The following EFL1 variants were observed in gnomAD, a reference collection of about 807,000 sequenced individuals.
The protein encoded by EFL1 is elongation factor like GTPase 1, also known as elongation factor-like GTPase 1.
Under a neutral mutation model 126.7 loss-of-function variants are expected in EFL1, and 76 were observed. The observed-to-expected ratio is 0.60, with a 90% confidence interval of 0.50 to 0.73. EFL1 has a LOEUF of 0.73. Among genes scored for constraint, EFL1 ranks in the 30% least tolerant of loss-of-function variants. EFL1 has a pLI of 0.00. For missense variants in EFL1, 1,128 were observed against 1,343.2 expected, an observed-to-expected ratio of 0.84 and a Z score of 2.50; for synonymous variants, 410 against 448.4, an observed-to-expected ratio of 0.91 and a Z score of 1.08.
Position 82,163,913 on chromosome 15 carries a change from T to TAC in EFL1, c.1821_1822insGT (p.Ile608ValfsTer12), listed in dbSNP as rs1379260503. 5.6e-6 allele frequency: 9 copies of TAC among 1,614,042 alleles called. No individual in the cohort carries two copies. In the African/African-American group the frequency reaches 1.1e-4, roughly 19 times the overall value. On this transcript the variant is annotated frameshift_variant, in exon 16 of 20. Coordinates refer to ENST00000268206, the MANE Select transcript of EFL1 (RefSeq NM_024580.6). LOFTEE classifies it high-confidence loss of function. The stretch of plus-strand genomic sequence containing the variant: ...GGAGTGGCTTCGAAGTTGAGTGGTA[T>TAC]AAATGGTGGGCAGGATGGCAGGCTA...
chr15:82,138,727 A>T lies in EFL1; in HGVS notation c.3105T>A (p.Gly1035=), dbSNP rs776859794. The T allele has an allele frequency of 2.5e-6, 4 of 1,613,896 alleles. No homozygotes were observed. The African/African-American group carries it at 4.0e-5, about 16-fold the overall frequency. ...TCCTCTTCCTGATTTCATCAGCAAA[A>T]CCAAAGCTTTCAGCAACAGGCAGCA... ...KAVLPVAESF[G]FADEIRKRTS... is the part of the protein sequence containing the mutation. Residue 1035 remains glycine (G), a synonymous_variant, in exon 19 of 20, where the codon GGT becomes GGA. Transcript: ENST00000268206.
intron 12 of EFL1, among the ~76,000 whole-genome samples, chr15:82,222,422 T>C (rs1168098151): frequency 3.3e-5 from 5 of 152,262 alleles, no homozygotes; most frequent in Admixed American, 3.3e-4. Flanking sequence ...TGTCATCTTA[T>C]GTAAATGTGA....
chr15:82,159,463 A>G (rs868284063), intron 16 of EFL1, among the ~76,000 whole-genome samples: 1 of 151,994 alleles, frequency 6.6e-6, no homozygotes, highest in South Asian at 2.1e-4. Context: ...CAGTTTAACA[A>G]TAAGAAAAGT....
chr15:82,225,856 A>G (rs975732567), intron 11 of EFL1, among the ~76,000 whole-genome samples: 1 of 152,252 alleles, frequency 6.6e-6, no homozygotes, highest in Non-Finnish European at 1.5e-5. Context: ...ATTTTCCTTA[A>G]CCTATACTGG....
intron 15 of EFL1, among the ~76,000 whole-genome samples, chr15:82,208,400 T>G (rs1021955479): frequency 1.3e-5 from 2 of 152,274 alleles, no homozygotes; most frequent in East Asian, 1.9e-4. Context: ...AACTGATGGG[T>G]AAACTTTTAA....
intron 8 of EFL1, among the ~76,000 whole-genome samples, chr15:82,229,963 A>C (rs2074804127): frequency 6.6e-6 from 1 of 152,246 alleles, no homozygotes; most frequent in African/African-American, 2.4e-5. Flanking sequence ...AGAGCCAATA[A>C]GTGGTGGAGC....
At chr15:82,233,238 C>T (rs1327562681) in intron 7 of EFL1, among the ~76,000 whole-genome samples, 2 of 152,112 alleles carry the variant, frequency 1.3e-5, no homozygotes, top group African/African-American at 4.8e-5. Flanking sequence ...TCAACCCATT[C>T]GACATTACTG....
At chr15:82,158,855 T>C in intron 16 of EFL1, among the ~76,000 whole-genome samples, 1 of 152,242 alleles carries the variant, frequency 6.6e-6, no homozygotes, top group Non-Finnish European at 1.5e-5. Context: ...ATGAGCTCAT[T>C]AACGATGAGG....
intron 18 of EFL1, among the ~76,000 whole-genome samples, chr15:82,140,565 G>C (rs928210559): frequency 1.3e-5 from 2 of 152,054 alleles, no homozygotes; most frequent in African/African-American, 2.4e-5. Flanking sequence ...TTTATAATTT[G>C]TGTGGTTTAA....
In EFL1 at chr15:82,157,927, C is replaced by A. The variant is rs9944185; in HGVS notation, c.1883-67G>T. ...CTAACACAATTCAAAGACAATGGCTCTGGCTACTGAAGGGAAAATTACATT... is the reference window on the plus strand; with the variant it reads ...CTAACACAATTCAAAGACAATGGCTATGGCTACTGAAGGGAAAATTACATT... On this transcript the variant is annotated intron_variant, in intron 16 of 19. Coordinates refer to ENST00000268206, the MANE Select transcript of EFL1 (RefSeq NM_024580.6). 0.23 allele frequency: 332,510 copies of A among 1,469,686 alleles called. 40,480 individuals carry two copies. Among genetic ancestry groups the A allele is most frequent in the Non-Finnish European group, 0.25 (274,354 of 1,086,794 alleles). 91.0% of individuals were successfully genotyped at this position (1,469,686 alleles called of 1,614,324 possible). A position where few individuals can be genotyped will look rare whatever the true frequency, so the allele number is the denominator to read the frequency against.
chr15:82,218,814 G>A (rs1432600614), intron 14 of EFL1, among the ~76,000 whole-genome samples: 1 of 152,166 alleles, frequency 6.6e-6, no homozygotes, highest in African/African-American at 2.4e-5. Context: ...AAAACTCATG[G>A]AATAAGCATT....
chr15:82,249,145 T>C (rs1464382798), intron 4 of EFL1, among the ~76,000 whole-genome samples: 5 of 152,052 alleles, frequency 3.3e-5, no homozygotes, highest in Admixed American at 2.6e-4. Context: ...AAATTTTCTA[T>C]AGTAAATATA....
At position 82,220,173 on chromosome 15, in the gene EFL1, G is replaced by A; in HGVS notation, c.1349C>T (p.Ala450Val). 9 of 1,613,576 alleles carry A rather than the reference G, an allele frequency of 5.6e-6. No individual in the cohort carries two copies. Among genetic ancestry groups the A allele is most frequent in the Non-Finnish European group, 7.6e-6 (9 of 1,179,764 alleles). Residue 450 changes from alanine (A) to valine (V), a missense_variant, in exon 13 of 20, where the codon GCA becomes GTA. Around this residue, in one of 6 missense-constraint regions of EFL1, gnomAD observed 120 missense variants for 142.1 expected, o/e 0.84. Transcript: ENST00000268206. ...QRRERARQRH[A>V]EKLAAAQGQA... ...TCCCTGTGCTGCTGCAAGCTTCTCT[G>A]CATGCCTTTGTCTTGCACGCTCACG...
intron 2 of EFL1, among the ~76,000 whole-genome samples, chr15:82,260,671 T>C (rs948606905): frequency 2.6e-5 from 4 of 152,220 alleles, no homozygotes; most frequent in African/African-American, 9.7e-5. Flanking sequence ...GTTTTACAGA[T>C]GCTGTATATT....
rs764119866 is a variant in EFL1 at position 82,241,273 on chromosome 15, T to G, written c.375A>C (p.Pro125=). ...IVVDAVEGVC[P]QTQAVLRQAW... ...TTTTCTCATCACAATCCATTACCTG[T>G]GGACAGACTCCTTCCACAGCATCTA... Residue 125 remains proline (P), a synonymous_variant, in exon 5 of 20, where the codon CCA becomes CCC. Coordinates refer to ENST00000268206, the MANE Select transcript of EFL1 (RefSeq NM_024580.6). The G allele has an allele frequency of 1.2e-6, 2 of 1,613,896 alleles. No individual in the cohort carries two copies. Among genetic ancestry groups the G allele is most frequent in the Admixed American group, 3.3e-5 (2 of 60,018 alleles).
chr15:82,245,277 A>G (rs1479582490), intron 4 of EFL1, among the ~76,000 whole-genome samples: 31 of 151,992 alleles, frequency 2.0e-4, no homozygotes, highest in Admixed American at 1.3e-3. Context: ...TCAGCCTCCC[A>G]AGTAGCAGGG....
chr15:82,204,400 C>G (rs2074502811), intron 15 of EFL1, among the ~76,000 whole-genome samples: 2 of 149,158 alleles, frequency 1.3e-5, no homozygotes, highest in African/African-American at 5.0e-5. Flanking sequence ...AAAAAAAAAT[C>G]TACTTAACCA....
In EFL1 at chr15:82,241,298, A is replaced by G. The variant is rs780232620; in HGVS notation, c.350T>C (p.Val117Ala). The change falls in exon 5 of 20, where the codon GTA becomes GCA. Residue 117 changes from valine to alanine, a missense_variant. Val to Ala is a moderately conservative substitution (Grantham distance 64). Coordinates refer to ENST00000268206, the MANE Select transcript of EFL1 (RefSeq NM_024580.6). ...TGGACAGACTCCTTCCACAGCATCT[A>G]CCACAATGATGCATCCATCACAAAT... ...VRICDGCIIV[V>A]DAVEGVCPQT... 1.3e-5 allele frequency: 21 copies of G among 1,613,936 alleles called. No individual in the cohort carries two copies. Among genetic ancestry groups the G allele is most frequent in the Non-Finnish European group, 1.8e-5 (21 of 1,179,854 alleles).
chr15:82,227,385 T>C, intron 11 of EFL1, 65 bp downstream of exon 11: 2 of 1,612,610 alleles, frequency 1.2e-6, no homozygotes, highest in South Asian at 2.2e-5. Context: ...CAAACTGGTC[T>C]AGAGCAGCCT....
Sources: gnomAD v4.1 joint callset for allele counts (sites outside exome capture counted in the v4.1 genomes callset) on GRCh38, gnomAD v4.1.1 for gene constraint, gnomAD v4.1.1 regional missense constraint, MANE v1.5 for transcripts, NCBI Gene and HGNC (gene_info 2026-07-23, HGNC 2026-07-21) for gene names.